Variants in SGSM1 observed in about 807,000 individuals in gnomAD.
The protein encoded by SGSM1 is RUN and TBC1 domain containing 2.
SGSM1 carries 73 observed loss-of-function variants against 133.8 expected under a neutral mutation model. The ratio of observed to expected loss-of-function variants is 0.55; its 90% confidence interval spans 0.45 to 0.66. SGSM1 has a LOEUF of 0.66. SGSM1 is among the 30% of genes least tolerant of loss of function. The probability of loss-of-function intolerance (pLI) is 0.00; values close to 1 mark genes in which losing one functional copy is unlikely to be tolerated. For missense variants in SGSM1, 1,213 were observed against 1,448.1 expected, an observed-to-expected ratio of 0.84 and a Z score of 2.64; for synonymous variants, 563 against 573.0, an observed-to-expected ratio of 0.98 and a Z score of 0.25.
At position 24,823,420 on chromosome 22, in the gene SGSM1, T is replaced by A. The variant is rs528324840; in HGVS notation, c.63+16936T>A. Among the ~76,000 whole-genome samples the A allele has an allele frequency of 4.0e-5, 6 of 151,868 alleles. No homozygotes were observed. In the South Asian group the frequency reaches 1.0e-3, roughly 26 times the overall value. ...GGTTGAGATATCCTGGCTAACATGG[T>A]GAAACCCTGTCTCTAATAAAAATAC... is the stretch of plus-strand genomic sequence containing the variant. On this transcript the variant is annotated intron_variant, in intron 2 of 24. Transcript: ENST00000400358.
intron 2 of SGSM1, among the ~76,000 whole-genome samples, chr22:24,819,650 C>T (rs1928350534): frequency 6.6e-6 from 1 of 152,184 alleles, no homozygotes; most frequent in Admixed American, 6.5e-5. Context: ...TTTATTATCC[C>T]ATTTTACAGA....
intron 13 of SGSM1, 118 bp from the exon 14 acceptor site, chr22:24,879,333 CCTCCCTACAGT>C: frequency 1.3e-6 from 1 of 780,530 alleles, no homozygotes; most frequent in Non-Finnish European, 2.1e-6. Context: ...TAATAGCAGC[CCTCCCTACAGT>C]CTCCCTGACT....
Position 24,806,254 on chromosome 22 carries a change from C to A in SGSM1, c.-72C>A. ...CCCCGCCGCGGCTGCAGCAGCAGCG[C>A]CGCGGCCGGAGGAGCTACCGCCGCC... On this transcript the variant is annotated 5_prime_UTR_variant, in exon 1 of 25. Transcript: ENST00000400358. 1 of 1,349,114 alleles carries A rather than the reference C, an allele frequency of 7.4e-7. No homozygotes were observed. Among genetic ancestry groups the A allele is most frequent in the South Asian group, 1.9e-5 (1 of 53,002 alleles). The allele number at this position is 1,349,114 out of a possible 1,614,324, so 83.6% of individuals were successfully genotyped here. A position where few individuals can be genotyped will look rare whatever the true frequency, so the allele number is the denominator to read the frequency against.
intron 2 of SGSM1, among the ~76,000 whole-genome samples, chr22:24,822,088 CTTT>C (rs71320790): frequency 3.7e-4 from 36 of 96,176 alleles, no homozygotes; most frequent in Non-Finnish European, 1.6e-4. Flanking sequence ...TCATCTCTCT[CTTT>C]TTTTTTTTTT....
intron 2 of SGSM1, among the ~76,000 whole-genome samples, chr22:24,809,790 T>G (rs1477864147): frequency 2.0e-5 from 3 of 151,976 alleles, no homozygotes; most frequent in Non-Finnish European, 4.4e-5. Flanking sequence ...TTATCAAAAT[T>G]ACAAGGATAA....
At chr22:24,893,178 G>A (rs1381475249) in intron 16 of SGSM1, among the ~76,000 whole-genome samples, 3 of 152,186 alleles carry the variant, frequency 2.0e-5, no homozygotes, top group African/African-American at 7.2e-5. Context: ...TCAATGAATA[G>A]TTGAAATTTA....
At chr22:24,806,859 G>A (rs1371717798) in intron 2 of SGSM1, among the ~76,000 whole-genome samples, 2 of 152,102 alleles carry the variant, frequency 1.3e-5, no homozygotes, top group African/African-American at 4.8e-5. Context: ...CCCCCCACAG[G>A]GTGTGCTGGA....
chr22:24,872,183 C>T (rs1931797919), intron 12 of SGSM1, among the ~76,000 whole-genome samples: 1 of 151,942 alleles, frequency 6.6e-6, no homozygotes. Flanking sequence ...AAGGATTTCA[C>T]CCTGTGGGAG....
intron 4 of SGSM1, among the ~76,000 whole-genome samples, chr22:24,848,414 A>G (rs547147209): frequency 6.6e-6 from 1 of 152,232 alleles, no homozygotes; most frequent in South Asian, 2.1e-4. Context: ...AAATACACTG[A>G]CTAGAAGTTA....
At chr22:24,843,203 TGCC>T (rs1929906597) in intron 2 of SGSM1, among the ~76,000 whole-genome samples, 1 of 151,872 alleles carries the variant, frequency 6.6e-6, no homozygotes, top group South Asian at 2.1e-4. Flanking sequence ...CTGCAGGCAA[TGCC>T]CAGCTTGGAG....
intron 2 of SGSM1, 70 bp downstream of exon 2, chr22:24,806,554 C>A: frequency 1.4e-6 from 2 of 1,461,656 alleles, no homozygotes; most frequent in South Asian, 1.3e-5. Flanking sequence ...AAAGAGTCTT[C>A]GTGGAAGGGT....
chr22:24,910,011 C>CA (rs980275164), intron 21 of SGSM1, among the ~76,000 whole-genome samples: 6 of 151,794 alleles, frequency 4.0e-5, no homozygotes, highest in African/African-American at 7.3e-5. Flanking sequence ...TATTATTTGG[C>CA]AAAAAAAGGA....
At chr22:24,850,501 C>G (rs1930394841) in intron 5 of SGSM1, 69 bp downstream of exon 5, 2 of 1,574,014 alleles carry the variant, frequency 1.3e-6, no homozygotes, top group South Asian at 1.2e-5. Context: ...GAAATTGCAC[C>G]CCCTGGCACA....
At chr22:24,907,933 A>AAAAAAAAAAAAAAAAAG (rs60386136) in intron 21 of SGSM1, among the ~76,000 whole-genome samples, 1 of 109,960 alleles carries the variant, frequency 9.1e-6, no homozygotes, top group Non-Finnish European at 1.7e-5. Flanking sequence ...AAAAAAAAAA[A>AAAAAAAAAAAAAAAAAG]AAGATGTTGC....
chr22:24,851,624 T>A (rs1930490556), intron 5 of SGSM1, among the ~76,000 whole-genome samples: 1 of 152,158 alleles, frequency 6.6e-6, no homozygotes, highest in Admixed American at 6.6e-5. Flanking sequence ...AAGTCCCCCT[T>A]CTCATGAAGT....
Position 24,819,075 on chromosome 22 carries a change from G to A in SGSM1, c.63+12591G>A, listed in dbSNP as rs544759270. On this transcript the variant is annotated intron_variant, in intron 2 of 24. Coordinates refer to ENST00000400358, the MANE Select transcript of SGSM1 (RefSeq NM_001098497.3). ...GCAGGAGAATGGCATGAACCTGGGA[G>A]GCGGAGCTTGCAGTGAGCAGAGATT... Among the ~76,000 whole-genome samples the A allele has an allele frequency of 9.8e-4, 149 of 151,816 alleles. 1 individual carries two copies. The highest frequency in any genetic ancestry group is 6.8e-3 in the Middle Eastern group (2 of 294).
At chr22:24,901,712 A>G (rs1354041955) in intron 19 of SGSM1, 121 bp from the exon 20 acceptor site, 25 of 1,066,672 alleles carry the variant, frequency 2.3e-5, no homozygotes, top group Non-Finnish European at 3.3e-5. Context: ...CAGGTGGGAG[A>G]TGTATTTTCA....
chr22:24,845,941 T>TTTTCTTTTCTTTCTTTC (rs1491325876), intron 3 of SGSM1, among the ~76,000 whole-genome samples: 1 of 115,620 alleles, frequency 8.6e-6, no homozygotes, highest in Non-Finnish European at 1.8e-5. Context: ...TTTTCTTTTC[T>TTTTCTTTTCTTTCTTTC]TTTCTTTCTT....
intron 2 of SGSM1, chr22:24,843,672 A>G (rs1224593820): frequency 6.6e-6 from 1 of 152,286 alleles, no homozygotes; most frequent in Non-Finnish European, 1.5e-5. Flanking sequence ...GACTCTGGGC[A>G]GAATCAGGCC....
Sources: allele counts gnomAD v4.1 joint callset (sites outside exome capture counted in the v4.1 genomes callset), GRCh38; gene constraint gnomAD v4.1.1; transcripts MANE v1.5; gene names NCBI Gene and HGNC (gene_info 2026-07-23, HGNC 2026-07-21).